Variants in PPARGC1A observed in about 807,000 individuals in gnomAD.
The protein encoded by PPARGC1A is peroxisome proliferator-activated receptor gamma coactivator 1-alpha.
A neutral mutation model predicts 88.7 loss-of-function variants in PPARGC1A; 25 were observed. That is an observed-to-expected ratio of 0.28 (90% confidence interval 0.21 to 0.39). The LOEUF is 0.39. Ranked by LOEUF, PPARGC1A falls within the 10% of genes least tolerant of loss-of-function variation. The pLI, the probability that PPARGC1A is intolerant of heterozygous loss-of-function variation, is 1.00. For synonymous variants in PPARGC1A, 363 were observed against 355.6 expected (o/e 1.02, Z -0.24); for missense variants, 880 against 968.7 (o/e 0.91, Z 1.22).
chr4:23,805,662 C>T (rs1388106106), intron 10 of PPARGC1A, among the ~76,000 whole-genome samples: 1 of 152,194 alleles, frequency 6.6e-6, no homozygotes, highest in Non-Finnish European at 1.5e-5. Context: ...CAGCTCTAGT[C>T]AAACAGCCAA....
chr4:24,119,646 A>C, the PPARGC1A span, among the ~76,000 whole-genome samples: 1 of 151,152 alleles, frequency 6.6e-6, no homozygotes, highest in Non-Finnish European at 1.5e-5. Context: ...ATTTTTATAA[A>C]TTAACGATTG....
intron 2 of PPARGC1A, among the ~76,000 whole-genome samples, chr4:23,851,319 G>A (rs1011707123): frequency 2.0e-5 from 3 of 152,126 alleles, no homozygotes; most frequent in Non-Finnish European, 2.9e-5. Flanking sequence ...AATATGTTGT[G>A]CTGATGCAGA....
At chr4:24,457,158 C>T in the PPARGC1A span, among the ~76,000 whole-genome samples, 1 of 152,150 alleles carries the variant, frequency 6.6e-6, no homozygotes, top group East Asian at 1.9e-4. Context: ...GCAATAGTGA[C>T]CACAGCTCCT....
the PPARGC1A span, among the ~76,000 whole-genome samples, chr4:24,019,949 G>GT: frequency 6.6e-6 from 1 of 152,156 alleles, no homozygotes; most frequent in Non-Finnish European, 1.5e-5. Flanking sequence ...CTGGAAACAC[G>GT]TGGAGTCCTT....
At chr4:24,296,163 C>T in the PPARGC1A span, among the ~76,000 whole-genome samples, 1 of 149,198 alleles carries the variant, frequency 6.7e-6, no homozygotes, top group African/African-American at 2.5e-5. Flanking sequence ...AGCTTCCCAA[C>T]TATATTTATA....
At chr4:23,922,502 A>C in the PPARGC1A span, among the ~76,000 whole-genome samples, 1 of 152,242 alleles carries the variant, frequency 6.6e-6, no homozygotes, top group African/African-American at 2.4e-5. Flanking sequence ...TGGTTTTATT[A>C]GTTCAGTTAG....
chr4:24,387,850 A>AGAGAG, the PPARGC1A span, among the ~76,000 whole-genome samples: 1 of 72,622 alleles, frequency 1.4e-5, no homozygotes. Flanking sequence ...GAGAGAGAGA[A>AGAGAG]AGAGAGAAAG....
chr4:24,198,699 G>A, the PPARGC1A span, among the ~76,000 whole-genome samples: 2 of 152,180 alleles, frequency 1.3e-5, no homozygotes, highest in African/African-American at 4.8e-5. Context: ...GTTTATTTGA[G>A]TTGTGGTTCA....
At chr4:23,802,655 C>T (rs1461714321) in intron 10 of PPARGC1A, among the ~76,000 whole-genome samples, 9 of 117,808 alleles carry the variant, frequency 7.6e-5, no homozygotes, top group South Asian at 2.9e-4. Flanking sequence ...TCAGCATGGG[C>T]GAGAGAGCGA....
At chr4:23,832,606 CTTTT>C (rs370736289) in intron 2 of PPARGC1A, among the ~76,000 whole-genome samples, 2,847 of 146,594 alleles carry the variant, frequency 0.019, 103 homozygotes, top group African/African-American at 0.07. Context: ...TTTTCTTTTT[CTTTT>C]TCTTTTTTTT....
upstream of PPARGC1A, among the ~76,000 whole-genome samples, chr4:23,900,860 G>GT (rs1719251358): frequency 6.6e-6 from 1 of 152,204 alleles, no homozygotes; most frequent in African/African-American, 2.4e-5. Flanking sequence ...GAAGAAAACA[G>GT]TTTTTGTTTC....
the PPARGC1A span, among the ~76,000 whole-genome samples, chr4:24,389,356 C>T: frequency 6.6e-6 from 1 of 152,064 alleles, no homozygotes; most frequent in African/African-American, 2.4e-5. Context: ...CTATAAAGGC[C>T]TATAATGGTT....
chr4:24,335,273 T>A, the PPARGC1A span, among the ~76,000 whole-genome samples: 1 of 152,204 alleles, frequency 6.6e-6, no homozygotes, highest in African/African-American at 2.4e-5. Context: ...CTGATTTAGG[T>A]ATGGCTGTTC....
chr4:24,222,839 T>G, the PPARGC1A span, among the ~76,000 whole-genome samples: 1 of 152,214 alleles, frequency 6.6e-6, no homozygotes, highest in African/African-American at 2.4e-5. Context: ...AATAACACCT[T>G]TTACTGGCAG....
chr4:24,081,469 C>A, the PPARGC1A span, among the ~76,000 whole-genome samples: 1 of 152,256 alleles, frequency 6.6e-6, no homozygotes, highest in East Asian at 1.9e-4. Context: ...ATATCCCAGG[C>A]TTACTGGCTA....
the PPARGC1A span, among the ~76,000 whole-genome samples, chr4:24,424,573 C>A: frequency 6.6e-6 from 1 of 152,138 alleles, no homozygotes; most frequent in Non-Finnish European, 1.5e-5. Flanking sequence ...CCGCGCCCAG[C>A]CGCTATACAC....
the PPARGC1A span, among the ~76,000 whole-genome samples, chr4:24,290,839 T>C: frequency 6.6e-6 from 1 of 152,250 alleles, no homozygotes; most frequent in Non-Finnish European, 1.5e-5. Flanking sequence ...AAATCCATCC[T>C]AGGTGACATT....
the PPARGC1A span, among the ~76,000 whole-genome samples, chr4:24,328,626 C>T: frequency 1.3e-5 from 2 of 152,194 alleles, no homozygotes; most frequent in Non-Finnish European, 2.9e-5. Context: ...CCAGCATAGG[C>T]TACTTTTGAT....
chr4:23,879,373 A>G (rs1164516675), intron 2 of PPARGC1A, among the ~76,000 whole-genome samples: 1 of 152,170 alleles, frequency 6.6e-6, no homozygotes, highest in Admixed American at 6.5e-5. Flanking sequence ...TGGGTTAAAT[A>G]TGTTCTGTCC....
Sources: allele counts gnomAD v4.1 joint callset (sites outside exome capture counted in the v4.1 genomes callset), GRCh38; gene constraint gnomAD v4.1.1; transcripts MANE v1.5; gene names NCBI Gene and HGNC (gene_info 2026-07-23, HGNC 2026-07-21).